PDZRN4: variants seen among roughly 807,000 people sequenced by gnomAD.
PDZRN4 encodes PDZ domain-containing RING finger protein 4.
Under a neutral mutation model 99.0 loss-of-function variants are expected in PDZRN4, and 70 were observed. The ratio of observed to expected loss-of-function variants is 0.71; its 90% CI spans 0.58 to 0.86. PDZRN4 has a LOEUF of 0.86. PDZRN4 is among the 40% of genes least tolerant of loss of function. The pLI, the probability that PDZRN4 is intolerant of heterozygous loss-of-function variation, is 0.00. For synonymous variants in PDZRN4, 551 were observed against 501.6 expected, an observed-to-expected ratio of 1.10 and a Z score of -1.32; for missense variants, 1,474 against 1,331.2, an observed-to-expected ratio of 1.11 and a Z score of -1.67.
chr12:41,245,464 G>GAATTAGAATGATATGT (rs1170755836), intron 3 of PDZRN4, among the ~76,000 whole-genome samples: 1 of 152,092 alleles, frequency 6.6e-6, no homozygotes. Flanking sequence ...AATATGATAT[G>GAATTAGAATGATATGT]ACAACCCCTC....
chr12:41,219,545 G>A (rs1186765274), intron 3 of PDZRN4, among the ~76,000 whole-genome samples: 1 of 152,022 alleles, frequency 6.6e-6, no homozygotes, highest in East Asian at 1.9e-4. Flanking sequence ...CCTTGGTAAT[G>A]TTCTTAATAA....
intron 5 of PDZRN4, among the ~76,000 whole-genome samples, chr12:41,525,279 C>T (rs948980029): frequency 6.6e-5 from 10 of 152,086 alleles, no homozygotes; most frequent in African/African-American, 1.7e-4. Flanking sequence ...CTAATTGTAT[C>T]GCTTATTTGA....
At chr12:41,517,977 G>A (rs1290842554) in intron 5 of PDZRN4, among the ~76,000 whole-genome samples, 1 of 152,004 alleles carries the variant, frequency 6.6e-6, no homozygotes, top group Non-Finnish European at 1.5e-5. Flanking sequence ...GATGCAGTCT[G>A]TAAAAACTAG....
chr12:41,420,206 A>C (rs570081688), intron 3 of PDZRN4, among the ~76,000 whole-genome samples: 1 of 152,226 alleles, frequency 6.6e-6, no homozygotes, highest in African/African-American at 2.4e-5. Flanking sequence ...AGAAAATAAA[A>C]TCTTCCTTCA....
intron 5 of PDZRN4, among the ~76,000 whole-genome samples, chr12:41,535,585 A>G (rs1370975994): frequency 6.6e-6 from 1 of 152,192 alleles, no homozygotes; most frequent in Non-Finnish European, 1.5e-5. Flanking sequence ...CATGTGTTGG[A>G]AATTTAATCT....
chr12:41,383,927 G>C (rs1444861215), intron 3 of PDZRN4, among the ~76,000 whole-genome samples: 2 of 148,774 alleles, frequency 1.3e-5, no homozygotes, highest in Non-Finnish European at 3.0e-5. Context: ...GATACAGGAG[G>C]AATGAGAATT....
chr12:41,411,769 T>A (rs1029119604), intron 3 of PDZRN4: 4 of 152,220 alleles, frequency 2.6e-5, no homozygotes, highest in African/African-American at 9.6e-5. Context: ...GTAAACAAAA[T>A]AGAGCAGCTA....
intron 6 of PDZRN4, among the ~76,000 whole-genome samples, chr12:41,554,225 A>G (rs1230393288): frequency 6.6e-6 from 1 of 152,210 alleles, no homozygotes; most frequent in Non-Finnish European, 1.5e-5. Context: ...GTTTAATATT[A>G]GTTTGATTAC....
chr12:41,250,837 G>A (rs556771066), intron 3 of PDZRN4, among the ~76,000 whole-genome samples: 1 of 152,168 alleles, frequency 6.6e-6, no homozygotes, highest in Non-Finnish European at 1.5e-5. Context: ...ATAATAAGCA[G>A]ATGTTATTGT....
At chr12:41,406,826 C>A (rs182931392) in intron 3 of PDZRN4, among the ~76,000 whole-genome samples, 1 of 147,376 alleles carries the variant, frequency 6.8e-6, no homozygotes, top group Non-Finnish European at 1.5e-5. Context: ...CCATTGCCCT[C>A]CAGCCTGGGC....
At chr12:41,280,834 G>A (rs938878515) in intron 3 of PDZRN4, among the ~76,000 whole-genome samples, 5 of 152,120 alleles carry the variant, frequency 3.3e-5, no homozygotes, top group Non-Finnish European at 4.4e-5. Flanking sequence ...AGACAGCAGC[G>A]GATCTCCCAG....
chr12:41,460,453 A>C (rs1952861030), intron 3 of PDZRN4, among the ~76,000 whole-genome samples: 1 of 152,296 alleles, frequency 6.6e-6, no homozygotes, highest in East Asian at 1.9e-4. Context: ...GGAAAGAAAT[A>C]TTGTTTCCAG....
intron 3 of PDZRN4, among the ~76,000 whole-genome samples, chr12:41,336,786 CTGTG>C (rs1951778572): frequency 6.6e-6 from 1 of 151,806 alleles, no homozygotes; most frequent in Admixed American, 6.6e-5. Flanking sequence ...ATGGGGGTCG[CTGTG>C]AGTTTTTCTT....
intron 2 of PDZRN4, among the ~76,000 whole-genome samples, chr12:41,192,240 A>G (rs942387888): frequency 6.6e-6 from 1 of 152,076 alleles, no homozygotes; most frequent in Non-Finnish European, 1.5e-5. Flanking sequence ...AGTAGCTGGG[A>G]TTATAGGCGT....
At chr12:41,354,109 G>C (rs537064255) in intron 3 of PDZRN4, among the ~76,000 whole-genome samples, 1 of 152,218 alleles carries the variant, frequency 6.6e-6, no homozygotes, top group Non-Finnish European at 1.5e-5. Context: ...GACAGGTTGA[G>C]TTTGAGTAGA....
At chr12:41,209,668 A>C (rs1241643670) in intron 3 of PDZRN4, among the ~76,000 whole-genome samples, 3 of 151,016 alleles carry the variant, frequency 2.0e-5, no homozygotes, top group Non-Finnish European at 4.4e-5. Flanking sequence ...CCTACAAAGG[A>C]CATGAACTCA....
In PDZRN4 at chr12:41,284,570, A is replaced by G. The variant is rs1033953347; in HGVS notation, c.843+90382A>G. Among the ~76,000 whole-genome samples, 4 of 152,228 alleles carry G rather than the reference A, an allele frequency of 2.6e-5. No homozygotes were observed. In the East Asian group the frequency reaches 5.8e-4, roughly 22 times the overall value. ...TGCCAGACAATCCTAAGCAAAAGGA[A>G]CAAAGCTGGAGGCATCACGCAACCT... On this transcript the variant is annotated intron_variant, in intron 3 of 9. Transcript: ENST00000402685.
chr12:41,387,563 G>A (rs907804017), intron 3 of PDZRN4, among the ~76,000 whole-genome samples: 4 of 152,130 alleles, frequency 2.6e-5, no homozygotes, highest in Non-Finnish European at 4.4e-5. Context: ...CTGCACTCCA[G>A]CCTGGGTGAC....
intron 3 of PDZRN4, among the ~76,000 whole-genome samples, chr12:41,441,707 C>T (rs1340432930): frequency 6.6e-5 from 10 of 152,126 alleles, no homozygotes; most frequent in Admixed American, 5.9e-4. Flanking sequence ...TTTATTTTGT[C>T]TCATACTATG....
Sources: allele counts gnomAD v4.1 joint callset (sites outside exome capture counted in the v4.1 genomes callset), GRCh38; gene constraint gnomAD v4.1.1; transcripts MANE v1.5; gene names NCBI Gene and HGNC (gene_info 2026-07-23, HGNC 2026-07-21).